ADGRB3: variants seen among roughly 807,000 people sequenced by gnomAD.
ADGRB3 encodes brain-specific angiogenesis inhibitor 3.
ADGRB3 carries 37 observed loss-of-function variants against 193.4 expected under a neutral mutation model. The ratio of observed to expected loss-of-function variants is 0.19; its 90% confidence interval spans 0.15 to 0.25. The LOEUF (loss-of-function observed/expected upper bound fraction) is 0.25. Among genes scored for constraint, ADGRB3 ranks in the 10% least tolerant of loss-of-function variants. ADGRB3 has a pLI of 1.00. For missense variants in ADGRB3, 1,637 were observed against 1,852.9 expected, an observed-to-expected ratio of 0.88 and a Z score of 2.14; for synonymous variants, 690 against 644.2, an observed-to-expected ratio of 1.07 and a Z score of -1.08.
intron 3 of ADGRB3, among the ~76,000 whole-genome samples, chr6:68,840,367 G>GTTTTTTT (rs1768128495): frequency 1.3e-5 from 1 of 75,514 alleles, no homozygotes; most frequent in Non-Finnish European, 2.6e-5. Flanking sequence ...GCACTGGGCA[G>GTTTTTTT]TCTTTTTTTT....
intron 3 of ADGRB3, among the ~76,000 whole-genome samples, chr6:68,663,617 A>G (rs980497422): frequency 6.6e-6 from 1 of 151,812 alleles, no homozygotes; most frequent in Non-Finnish European, 1.5e-5. Flanking sequence ...GCTTTAAAGA[A>G]TCGCCTGCTT....
At chr6:69,146,821 C>CTT (rs756561473) in intron 17 of ADGRB3, among the ~76,000 whole-genome samples, 1,880 of 102,980 alleles carry the variant, frequency 0.018, 23 homozygotes, top group African/African-American at 0.029. Context: ...CTCATTACTT[C>CTT]TTTTTTTTTT....
At chr6:68,810,847 G>C (rs562030732) in intron 3 of ADGRB3, among the ~76,000 whole-genome samples, 73 of 152,166 alleles carry the variant, frequency 4.8e-4, no homozygotes, top group African/African-American at 1.8e-3. Flanking sequence ...TAAAACACAA[G>C]GCAATGGACA....
chr6:68,740,511 G>C (rs1765958500), intron 3 of ADGRB3, among the ~76,000 whole-genome samples: 1 of 152,092 alleles, frequency 6.6e-6, no homozygotes, highest in Non-Finnish European at 1.5e-5. Flanking sequence ...AATAACCTTG[G>C]ATGAGAATAT....
At chr6:68,841,722 A>C (rs1257508161) in intron 3 of ADGRB3, among the ~76,000 whole-genome samples, 1 of 152,148 alleles carries the variant, frequency 6.6e-6, no homozygotes, top group Non-Finnish European at 1.5e-5. Flanking sequence ...AGAAAGCCAA[A>C]CCCAGAATTA....
intron 3 of ADGRB3, among the ~76,000 whole-genome samples, chr6:68,914,467 A>T (rs999720927): frequency 1.3e-5 from 2 of 152,098 alleles, no homozygotes; most frequent in Admixed American, 1.3e-4. Context: ...AAGGAGAAAT[A>T]AAATACTTTA....
chr6:68,689,678 TG>T (rs1166683365), intron 3 of ADGRB3, among the ~76,000 whole-genome samples: 2 of 152,066 alleles, frequency 1.3e-5, no homozygotes, highest in African/African-American at 4.8e-5. Flanking sequence ...TGTTTGTTTT[TG>T]TTTTTTTTAT....
chr6:68,799,748 G>A (rs769469149), intron 3 of ADGRB3, among the ~76,000 whole-genome samples: 2 of 152,066 alleles, frequency 1.3e-5, no homozygotes, highest in African/African-American at 4.8e-5. Context: ...CTTAATTGAA[G>A]AAATAAATGA....
intron 10 of ADGRB3, among the ~76,000 whole-genome samples, chr6:68,981,804 A>G (rs868095359): frequency 2.6e-5 from 4 of 151,376 alleles, no homozygotes; most frequent in African/African-American, 7.2e-5. Context: ...TAAGATCACA[A>G]CACTTTTGGG....
At chr6:69,242,901 T>G (rs2127262390) in intron 20 of ADGRB3, among the ~76,000 whole-genome samples, 1 of 152,136 alleles carries the variant, frequency 6.6e-6, no homozygotes, top group African/African-American at 2.4e-5. Context: ...TATGCATTTG[T>G]GTTTTTGTTG....
intron 17 of ADGRB3, among the ~76,000 whole-genome samples, chr6:69,162,914 A>C (rs1363390593): frequency 6.6e-6 from 1 of 151,908 alleles, no homozygotes; most frequent in Non-Finnish European, 1.5e-5. Flanking sequence ...TGACCCCATC[A>C]CCATTCCCAC....
chr6:69,130,266 G>A (rs1012622996), intron 17 of ADGRB3, among the ~76,000 whole-genome samples: 25 of 151,876 alleles, frequency 1.6e-4, no homozygotes, highest in African/African-American at 6.0e-4. Flanking sequence ...CCTTTCAAAG[G>A]TTCCACCTCC....
At chr6:68,969,053 A>G (rs1768478558) in intron 8 of ADGRB3, among the ~76,000 whole-genome samples, 1 of 152,034 alleles carries the variant, frequency 6.6e-6, no homozygotes, top group Non-Finnish European at 1.5e-5. Flanking sequence ...GATTTCTTTA[A>G]TGAAAGTGTT....
chr6:68,819,261 C>A (rs1024843780), intron 3 of ADGRB3, among the ~76,000 whole-genome samples: 2 of 152,012 alleles, frequency 1.3e-5, no homozygotes, highest in East Asian at 3.9e-4. Flanking sequence ...ATTCTTATTG[C>A]AGCCACCATC....
intron 20 of ADGRB3, among the ~76,000 whole-genome samples, chr6:69,246,914 T>C (rs1334525631): frequency 6.6e-6 from 1 of 152,138 alleles, no homozygotes; most frequent in African/African-American, 2.4e-5. Flanking sequence ...TTTGAGAATG[T>C]CAGGCCTACT....
At chr6:68,647,393 C>A (rs1278711201) in intron 3 of ADGRB3, among the ~76,000 whole-genome samples, 1 of 151,958 alleles carries the variant, frequency 6.6e-6, no homozygotes, top group Non-Finnish European at 1.5e-5. Flanking sequence ...ATAAAATATT[C>A]TCTTCAAATC....
intron 17 of ADGRB3, among the ~76,000 whole-genome samples, chr6:69,128,528 A>G (rs1241328744): frequency 2.0e-5 from 3 of 152,164 alleles, no homozygotes; most frequent in African/African-American, 7.2e-5. Flanking sequence ...TTTTTCTGCC[A>G]TCTGATAAAT....
chr6:68,979,393 A>T (rs371890940), intron 10 of ADGRB3, among the ~76,000 whole-genome samples: 1 of 151,454 alleles, frequency 6.6e-6, no homozygotes, highest in Admixed American at 6.6e-5. Flanking sequence ...ACTTTATGAA[A>T]TTATTCGGCC....
chr6:68,785,936 T>C (rs1378026135), intron 3 of ADGRB3, among the ~76,000 whole-genome samples: 1 of 152,220 alleles, frequency 6.6e-6, no homozygotes, highest in Non-Finnish European at 1.5e-5. Context: ...CATGTGTTTT[T>C]TGGCTGCATA....
Sources: allele counts gnomAD v4.1 joint callset (sites outside exome capture counted in the v4.1 genomes callset), GRCh38; gene constraint gnomAD v4.1.1; transcripts MANE v1.5; gene names NCBI Gene and HGNC (gene_info 2026-07-23, HGNC 2026-07-21).